The following CYP4X1 variants were observed in gnomAD, a reference collection of about 807,000 sequenced individuals.
CYP4X1 encodes the protein cytochrome P450 4X1.
In CYP4X1, 44 loss-of-function variants were observed where a neutral mutation model predicts 57.9. The ratio of observed to expected loss-of-function variants is 0.76; its 90% confidence interval spans 0.60 to 0.98. The LOEUF (loss-of-function observed/expected upper bound fraction) is 0.98. CYP4X1 is among the 50% of genes least tolerant of loss of function. CYP4X1 has a pLI of 0.00. For missense variants in CYP4X1, 532 were observed against 623.9 expected (o/e 0.85, Z 1.57); for synonymous variants, 227 against 228.6 (o/e 0.99, Z 0.06).
chr1:47,004,948 G>A, the CYP4X1 span, among the ~76,000 whole-genome samples: 21 of 152,314 alleles, frequency 1.4e-4, no homozygotes, highest in East Asian at 3.3e-3. Flanking sequence ...GGAATGGGAA[G>A]CCACAAATTA....
the CYP4X1 span, among the ~76,000 whole-genome samples, chr1:46,989,084 A>T: frequency 2.0e-5 from 3 of 152,184 alleles, no homozygotes; most frequent in Admixed American, 2.0e-4. Flanking sequence ...AAAGGTATTC[A>T]AGCAGGAAGA....
intron 8 of CYP4X1, among the ~76,000 whole-genome samples, chr1:47,044,696 C>T (rs1418318600): frequency 6.6e-6 from 1 of 152,148 alleles, no homozygotes. Flanking sequence ...GGTGAACACC[C>T]TCAACTTTTG....
At chr1:47,009,472 T>C in the CYP4X1 span, among the ~76,000 whole-genome samples, 950 of 151,974 alleles carry the variant, frequency 6.3e-3, 5 homozygotes, top group Non-Finnish European at 0.01. Context: ...AGATCTAAAA[T>C]TGACACCCTA....
intron 7 of CYP4X1, 89 bp from the exon 8 acceptor site, chr1:47,039,253 A>AT: frequency 2.4e-6 from 3 of 1,246,774 alleles, no homozygotes; most frequent in Non-Finnish European, 3.3e-6. Context: ...TAAAGCTCTG[A>AT]TTTTTCCCCT....
Position 47,023,852 on chromosome 1 carries a change from G to T in CYP4X1, c.35G>T (p.Arg12Leu), listed in dbSNP as rs1452823199. 6.2e-7 allele frequency: 1 copy of T among 1,613,536 alleles called. No homozygotes were observed. Among genetic ancestry groups the T allele is most frequent in the Non-Finnish European group, 8.5e-7 (1 of 1,179,952 alleles). ...EFSWLETRWA[R>L]PFYLAFVFCL... ...TCCTGGCTGGAGACGCGCTGGGCGC[G>T]GCCCTTTTACCTGGCGTTCGTGTTC... is the stretch of plus-strand genomic sequence containing the variant. The change falls in exon 1 of 12, where the codon CGG (arginine) becomes CTG (leucine). Residue 12 changes from arginine (R) to leucine (L), a missense_variant. Physicochemically the swap from Arg to Leu is moderately radical, Grantham distance 102. Transcript: ENST00000371901.
Position 47,036,366 on chromosome 1 carries a change from ATT to A in CYP4X1, c.775+199_775+200del, listed in dbSNP as rs1491217436. Among the ~76,000 whole-genome samples, 20 of 139,648 alleles carry A rather than the reference ATT, an allele frequency of 1.4e-4. 1 individual carries two copies. In the South Asian group the frequency reaches 2.1e-3, roughly 15 times the overall value. The allele number at this position is 139,648 out of a possible 152,430, so 91.6% of individuals were successfully genotyped here. A position where few individuals can be genotyped will look rare whatever the true frequency, so the allele number is the denominator to read the frequency against. ...CTTCAACCATAGCAGTATTATCAGA[ATT>A]TTTATATATATATATATACACTATT... is the stretch of plus-strand genomic sequence containing the variant. On this transcript the variant is annotated intron_variant, in intron 6 of 11. Coordinates refer to ENST00000371901, the MANE Select transcript of CYP4X1 (RefSeq NM_178033.2).
chr1:47,012,540 T>C, the CYP4X1 span, among the ~76,000 whole-genome samples: 2 of 151,546 alleles, frequency 1.3e-5, no homozygotes, highest in East Asian at 1.9e-4. Context: ...ACATGTACAC[T>C]AGAACTTAAA....
chr1:46,970,392 G>A, the CYP4X1 span, among the ~76,000 whole-genome samples: 5 of 152,080 alleles, frequency 3.3e-5, no homozygotes, highest in African/African-American at 9.7e-5. Flanking sequence ...ACACAAGGTC[G>A]TTTTCTTACA....
downstream of CYP4X1, among the ~76,000 whole-genome samples, chr1:47,053,032 AG>A (rs1644369193): frequency 6.6e-6 from 1 of 152,112 alleles, no homozygotes; most frequent in South Asian, 2.1e-4. Context: ...CTCATCATTT[AG>A]CATTAGGTAT....
the CYP4X1 span, chr1:46,967,722 C>T: frequency 2.8e-6 from 3 of 1,088,652 alleles, no homozygotes; most frequent in Non-Finnish European, 2.5e-6. Flanking sequence ...TCCTGAGATG[C>T]AGGTGGATTC....
At chr1:46,983,894 T>C in the CYP4X1 span, among the ~76,000 whole-genome samples, 759 of 152,152 alleles carry the variant, frequency 5.0e-3, 12 homozygotes, top group East Asian at 0.05. Flanking sequence ...TGGCAAGGTA[T>C]AGTGGATGCT....
chr1:47,024,850 G>A (rs1485597616), intron 1 of CYP4X1, among the ~76,000 whole-genome samples: 1 of 152,204 alleles, frequency 6.6e-6, no homozygotes, highest in Non-Finnish European at 1.5e-5. Context: ...AGGCATTCCA[G>A]CAGAGCTACT....
At chr1:47,011,298 G>T in the CYP4X1 span, among the ~76,000 whole-genome samples, 3 of 152,150 alleles carry the variant, frequency 2.0e-5, no homozygotes, top group African/African-American at 7.2e-5. Flanking sequence ...ACAAAAACAA[G>T]AAATGGGGAA....
the CYP4X1 span, among the ~76,000 whole-genome samples, chr1:47,005,814 G>C: frequency 1.2e-4 from 19 of 152,350 alleles, no homozygotes; most frequent in East Asian, 3.7e-3. Context: ...TGAGATGTCA[G>C]TGTTTGGCAT....
intron 8 of CYP4X1, among the ~76,000 whole-genome samples, chr1:47,042,619 T>C (rs1457639282): frequency 6.6e-6 from 1 of 152,070 alleles, no homozygotes; most frequent in African/African-American, 2.4e-5. Context: ...CTCCCACCAT[T>C]TCCCCCAAGT....
chr1:46,976,029 C>T, the CYP4X1 span, among the ~76,000 whole-genome samples: 2 of 151,956 alleles, frequency 1.3e-5, no homozygotes, highest in Admixed American at 6.6e-5. Flanking sequence ...CTCGTGTGAT[C>T]GATGCAGAAG....
At chr1:47,024,765 TCTC>T (rs1274952167) in intron 1 of CYP4X1, among the ~76,000 whole-genome samples, 1 of 151,966 alleles carries the variant, frequency 6.6e-6, no homozygotes, top group African/African-American at 2.4e-5. Context: ...AAAGTATACA[TCTC>T]CGCCTAGAGA....
chr1:47,034,843 C>T (rs374348233), intron 4 of CYP4X1, among the ~76,000 whole-genome samples: 2 of 151,852 alleles, frequency 1.3e-5, no homozygotes, highest in African/African-American at 2.4e-5. Flanking sequence ...CATATTTCTC[C>T]GGGATTTTTC....
chr1:46,996,793 G>A, the CYP4X1 span, among the ~76,000 whole-genome samples: 1 of 152,206 alleles, frequency 6.6e-6, no homozygotes, highest in African/African-American at 2.4e-5. Context: ...GCCTGTTTAT[G>A]ATGCCCAAGG....
Sources: gnomAD v4.1 joint callset for allele counts (sites outside exome capture counted in the v4.1 genomes callset) on GRCh38, gnomAD v4.1.1 for gene constraint, MANE v1.5 for transcripts, NCBI Gene and HGNC (gene_info 2026-07-23, HGNC 2026-07-21) for gene names.